Variants in CAP2 observed in about 807,000 individuals in gnomAD.
CAP2 encodes the protein adenylyl cyclase-associated protein 2.
CAP2 carries 24 observed loss-of-function variants against 57.7 expected under a neutral mutation model. That is an observed-to-expected ratio of 0.42 (90% confidence interval 0.30 to 0.58). The LOEUF (loss-of-function observed/expected upper bound fraction) is 0.58, where lower values mean the gene tolerates loss of function less well. Among genes scored for constraint, CAP2 ranks in the 20% least tolerant of loss-of-function variants. CAP2 has a pLI of 0.22. For missense variants in CAP2, 501 were observed against 590.3 expected (o/e 0.85, Z 1.57); for synonymous variants, 194 against 207.2 (o/e 0.94, Z 0.55).
Position 17,539,330 on chromosome 6 carries a change from C to T in CAP2, c.698C>T (p.Pro233Leu), listed in dbSNP as rs140867998. Reference protein sequence around the residue: ...SVLSSGPGLPPPPPPLPPPGP... With the variant: ...SVLSSGPGLPLPPPPLPPPGP... ...CTCTCCTCTGGGCCTGGCCTTCCTC[C>T]ACCCCCTCCTCCTCTGCCTCCTCCA... The change falls in exon 8 of 13, where the codon CCA becomes CTA. Residue 233 changes from proline (P) to leucine (L), a missense_variant. Transcript: ENST00000229922. The T allele has an allele frequency of 6.2e-6, 10 of 1,614,000 alleles. No individual in the cohort carries two copies. In the African/African-American group the frequency reaches 1.3e-4, roughly 22 times the overall value.
intron 1 of CAP2, among the ~76,000 whole-genome samples, chr6:17,420,355 C>T (rs527704674): frequency 1.3e-5 from 2 of 152,136 alleles, no homozygotes; most frequent in South Asian, 2.1e-4. Context: ...TAAATTAAAA[C>T]CCTACATTCA....
rs184831668 is a variant in CAP2 at position 17,449,492 on chromosome 6, C to T, written c.223-13504C>T. On this transcript the variant is annotated intron_variant, in intron 3 of 12. Coordinates refer to ENST00000229922, the MANE Select transcript of CAP2 (RefSeq NM_006366.3). ...TGCCATCTCAGCTCACTGCAACCTC[C>T]GCCTCTTGGGTTCAAGTGATTCTCG... 1.2e-4 allele frequency among the ~76,000 whole-genome samples: 19 copies of T among 152,106 alleles called. No individual in the cohort carries two copies. The East Asian group carries it at 2.7e-3, about 22-fold the overall frequency.
At chr6:17,483,942 T>G (rs1761359081) in intron 4 of CAP2, among the ~76,000 whole-genome samples, 2 of 151,854 alleles carry the variant, frequency 1.3e-5, no homozygotes, top group African/African-American at 4.8e-5. Flanking sequence ...CCTGTGTGCT[T>G]CTTGTCTGTT....
In CAP2 at chr6:17,500,340, AATATAT is replaced by A. The variant is rs4052821; in HGVS notation, c.301-6790_301-6785del. On this transcript the variant is annotated intron_variant, in intron 4 of 12. Transcript: ENST00000229922. The stretch of plus-strand genomic sequence containing the variant: ...GTCCAAATATATATGTGTGTGTCCA[AATATAT>A]ATATATATATATATATATATATATA... 8.0e-3 allele frequency among the ~76,000 whole-genome samples: 266 copies of A among 33,068 alleles called. 8 individuals carry two copies. The highest frequency in any genetic ancestry group is 0.055 in the South Asian group (39 of 714). The allele number at this position is 33,068 out of a possible 152,430, so 21.7% of individuals were successfully genotyped here. A position where few individuals can be genotyped will look rare whatever the true frequency, so the allele number is the denominator to read the frequency against.
At chr6:17,442,422 G>A (rs146291012) in intron 3 of CAP2, among the ~76,000 whole-genome samples, 2 of 152,306 alleles carry the variant, frequency 1.3e-5, no homozygotes, top group Non-Finnish European at 2.9e-5. Context: ...CAGACAACAT[G>A]TGCAGGGGTG....
chr6:17,424,380 AC>A lies in CAP2; in HGVS notation c.122-2209del, dbSNP rs531011772. On this transcript the variant is annotated intron_variant, in intron 2 of 12. Coordinates refer to ENST00000229922, the MANE Select transcript of CAP2 (RefSeq NM_006366.3). ...GCGCCACTGCACTCCAGCCTGGGCGACACAGAGCAAGACTCCGTCTCAAAAA... is the reference window on the plus strand; with the variant it reads ...GCGCCACTGCACTCCAGCCTGGGCGAACAGAGCAAGACTCCGTCTCAAAAA... Among the ~76,000 whole-genome samples, 375 of 152,262 alleles carry A rather than the reference AC, an allele frequency of 2.5e-3. 2 individuals carry two copies. The highest frequency in any genetic ancestry group is 8.6e-3 in the African/African-American group (357 of 41,560).
At chr6:17,470,388 A>G (rs1760987073) in intron 4 of CAP2, among the ~76,000 whole-genome samples, 1 of 152,264 alleles carries the variant, frequency 6.6e-6, no homozygotes, top group South Asian at 2.1e-4. Context: ...GTGACTGACT[A>G]GAAAAGTTCA....
chr6:17,489,737 A>G (rs1306414741), intron 4 of CAP2, among the ~76,000 whole-genome samples: 3 of 151,662 alleles, frequency 2.0e-5, no homozygotes, highest in African/African-American at 7.3e-5. Flanking sequence ...CATTTAACAA[A>G]CACTAGCTGA....
chr6:17,411,843 C>A (rs1759148578), intron 1 of CAP2, among the ~76,000 whole-genome samples: 1 of 152,068 alleles, frequency 6.6e-6, no homozygotes, highest in African/African-American at 2.4e-5. Context: ...TTGAACTCTA[C>A]CTCCTCCATG....
Position 17,507,566 on chromosome 6 carries a change from T to G in CAP2, c.445-75T>G, listed in dbSNP as rs1036804378. The G allele has an allele frequency of 3.1e-6, 3 of 968,830 alleles. No homozygotes were observed. In the African/African-American group the frequency reaches 4.9e-5, roughly 16 times the overall value. 60.0% of individuals were successfully genotyped at this position (968,830 alleles called of 1,614,324 possible). A position where few individuals can be genotyped will look rare whatever the true frequency, so the allele number is the denominator to read the frequency against. On this transcript the variant is annotated intron_variant, in intron 5 of 12. Transcript: ENST00000229922. ...GTCCACGCGTCTCCATTGCTTTTCT[T>G]CTTCTTTAAGGCATTTTCTTTCTTA...
At chr6:17,550,751 C>T (rs1208524366) in intron 11 of CAP2, among the ~76,000 whole-genome samples, 1 of 152,064 alleles carries the variant, frequency 6.6e-6, no homozygotes, top group Non-Finnish European at 1.5e-5. Flanking sequence ...ATTTTTATAG[C>T]ACTTCGATAT....
At chr6:17,397,184 T>A (rs1309568992) in intron 1 of CAP2, among the ~76,000 whole-genome samples, 2 of 152,020 alleles carry the variant, frequency 1.3e-5, no homozygotes, top group African/African-American at 2.4e-5. Flanking sequence ...CTCAGCCTCC[T>A]GAGTAGCTGG....
intron 7 of CAP2, among the ~76,000 whole-genome samples, chr6:17,537,440 C>G (rs1012949791): frequency 1.3e-5 from 2 of 152,122 alleles, no homozygotes; most frequent in Non-Finnish European, 2.9e-5. Flanking sequence ...AAGCGATCTA[C>G]CCTTCTCGGC....
intron 1 of CAP2, among the ~76,000 whole-genome samples, chr6:17,406,683 C>T (rs1056376156): frequency 6.6e-6 from 1 of 152,108 alleles, no homozygotes; most frequent in African/African-American, 2.4e-5. Flanking sequence ...TGAGCAACCT[C>T]GCCCTGCCCA....
At chr6:17,407,441 T>A (rs1759009379) in intron 1 of CAP2, among the ~76,000 whole-genome samples, 1 of 150,314 alleles carries the variant, frequency 6.7e-6, no homozygotes, top group Non-Finnish European at 1.5e-5. Context: ...ATTGTGCCAC[T>A]GCACTCCAGC....
chr6:17,526,144 G>A (rs551757798), intron 7 of CAP2, among the ~76,000 whole-genome samples: 87 of 149,536 alleles, frequency 5.8e-4, no homozygotes, highest in African/African-American at 2.0e-3. Flanking sequence ...TAATGATGGA[G>A]TCTCGCTCTG....
chr6:17,452,560 T>C (rs770095279), intron 3 of CAP2, among the ~76,000 whole-genome samples: 4 of 152,182 alleles, frequency 2.6e-5, no homozygotes, highest in Non-Finnish European at 5.9e-5. Flanking sequence ...GCAGTTTGGA[T>C]GTTGGTTTAA....
Position 17,457,487 on chromosome 6 carries a change from G to A in CAP2, c.223-5509G>A, listed in dbSNP as rs1760604355. Among the ~76,000 whole-genome samples, 2 of 152,240 alleles carry A rather than the reference G, an allele frequency of 1.3e-5. 1 individual carries two copies. ...GAAGAAGCAAGAGGATCGGAAGTTGGAATGAAAGTCCTTTGACATGTCGAC... is the reference window on the plus strand; with the variant it reads ...GAAGAAGCAAGAGGATCGGAAGTTGAAATGAAAGTCCTTTGACATGTCGAC... On this transcript the variant is annotated intron_variant, in intron 3 of 12. Transcript: ENST00000229922.
intron 3 of CAP2, among the ~76,000 whole-genome samples, chr6:17,436,600 C>T (rs1221667996): frequency 6.6e-6 from 1 of 152,168 alleles, no homozygotes; most frequent in Non-Finnish European, 1.5e-5. Context: ...TCAGAACCTT[C>T]CGCAGAGAGA....
Sources: gnomAD v4.1 joint callset for allele counts (sites outside exome capture counted in the v4.1 genomes callset) on GRCh38, gnomAD v4.1.1 for gene constraint, MANE v1.5 for transcripts, NCBI Gene and HGNC (gene_info 2026-07-23, HGNC 2026-07-21) for gene names.